The following CDH16 variants were observed in gnomAD, a reference collection of about 807,000 sequenced individuals.
The protein encoded by CDH16 is cadherin 16.
A neutral mutation model predicts 87.6 loss-of-function variants in CDH16; 79 were observed. The observed-to-expected ratio is 0.90, with a 90% CI of 0.75 to 1.09. The LOEUF (loss-of-function observed/expected upper bound fraction) is 1.09, where lower values mean the gene tolerates loss of function less well. CDH16 is among the 50% of genes least tolerant of loss of function. The probability of loss-of-function intolerance (pLI) is 0.00; values close to 1 mark genes in which losing one functional copy is unlikely to be tolerated. For synonymous variants in CDH16, 457 were observed against 439.5 expected, an observed-to-expected ratio of 1.04 and a Z score of -0.50; for missense variants, 1,124 against 1,071.7, an observed-to-expected ratio of 1.05 and a Z score of -0.68.
chr16:66,913,458 C>A (rs1355002834), intron 8 of CDH16, 33 bp downstream of exon 8: 1 of 1,613,886 alleles, frequency 6.2e-7, no homozygotes, highest in Admixed American at 1.7e-5. Context: ...CAAGCACCCC[C>A]AGCCTGCATC....
chr16:66,912,644 TCACCAATCAGGG>T lies in CDH16; in HGVS notation c.1282+8_1282+19del. 1 of 1,613,634 alleles carries T rather than the reference TCACCAATCAGGG, an allele frequency of 6.2e-7. No homozygotes were observed. The highest frequency in any genetic ancestry group is 8.5e-7 in the Non-Finnish European group (1 of 1,179,838). On this transcript the variant is annotated splice_region_variant and intron_variant, in intron 10 of 17. Coordinates refer to ENST00000299752, the MANE Select transcript of CDH16 (RefSeq NM_004062.4). ...GAACAGAGGGGACAGGGGGCCTGGG[TCACCAATCAGGG>T]CACTTACCACCCTCTGCGCCTGCCA...
At chr16:66,918,688 T>C (rs995179230) in intron 1 of CDH16, 116 bp downstream of exon 1, 3 of 152,298 alleles carry the variant, frequency 2.0e-5, no homozygotes, top group Admixed American at 6.5e-5. Flanking sequence ...ACAACCCCTC[T>C]AAGATGAGGC....
intron 14 of CDH16, 184 bp from the exon 15 acceptor site, chr16:66,910,686 G>T: frequency 1.6e-6 from 1 of 618,960 alleles, no homozygotes; most frequent in Non-Finnish European, 2.5e-6. Flanking sequence ...CTTTGGCGGA[G>T]CTCACTGCTG....
rs778992008 is a variant in CDH16, at chr16:66,912,443, G to A, written c.1360-13C>T. On this transcript the variant is annotated splice_polypyrimidine_tract_variant and intron_variant, in intron 11 of 17. Coordinates refer to ENST00000299752, the MANE Select transcript of CDH16 (RefSeq NM_004062.4). ...TTATAGGCCCAATCTGGAGGAGGAG[G>A]AGGGATGGTGAGCCCCCCACCAGCA... The A allele has an allele frequency of 8.1e-6, 13 of 1,613,958 alleles. No homozygotes were observed. Among genetic ancestry groups the A allele is most frequent in the African/African-American group, 4.0e-5 (3 of 74,932 alleles).
chr16:66,917,114 T>A (rs1288787675), intron 3 of CDH16, among the ~76,000 whole-genome samples: 1 of 146,704 alleles, frequency 6.8e-6, no homozygotes, highest in Non-Finnish European at 1.5e-5. Context: ...GGCGAAACCC[T>A]GTCTCTACTA....
At chr16:66,910,721 C>T (rs539735870) in intron 14 of CDH16, 8 of 489,714 alleles carry the variant, frequency 1.6e-5, no homozygotes, top group African/African-American at 1.2e-4. Flanking sequence ...TATCACAGCC[C>T]AGCTCAGAGT....
chr16:66,910,561 G>A lies in CDH16; in HGVS notation c.1925-59C>T, dbSNP rs2145448515. On this transcript the variant is annotated intron_variant, in intron 14 of 17. Coordinates refer to ENST00000299752, the MANE Select transcript of CDH16 (RefSeq NM_004062.4). ...TTGCCAGGGGGAGGGTGAGCTCTGA[G>A]GTCCCTGGGCTGCTCCCGCAGCCCA... 4.1e-6 allele frequency: 6 copies of A among 1,456,918 alleles called. No homozygotes were observed. The South Asian group carries it at 6.0e-5, about 15-fold the overall frequency. The allele number at this position is 1,456,918 out of a possible 1,614,324, so 90.2% of individuals were successfully genotyped here. A position where few individuals can be genotyped will look rare whatever the true frequency, so the allele number is the denominator to read the frequency against.
At position 66,912,243 on chromosome 16, in the gene CDH16, T is replaced by C; in HGVS notation, c.1547A>G (p.Lys516Arg). Residue 516 changes from lysine (K) to arginine (R), a missense_variant and splice_region_variant, in exon 12 of 18, where the codon AAG becomes AGG. Coordinates refer to ENST00000299752, the MANE Select transcript of CDH16 (RefSeq NM_004062.4). ...DSGHVRLRLC[K>R]NLSYEAAPSH... is the part of the protein sequence containing the mutation. ...TTTCCCAGCTACCCAGGCCCTCACC[T>C]TGCAGAGTCTGAGTCTAACATGCCC... 6.2e-7 allele frequency: 1 copy of C among 1,607,054 alleles called. No individual in the cohort carries two copies. The highest frequency in any genetic ancestry group is 8.5e-7 in the Non-Finnish European group (1 of 1,175,470).
intron 7 of CDH16, 48 bp downstream of exon 7, chr16:66,914,168 C>CT: frequency 6.5e-7 from 1 of 1,527,606 alleles, no homozygotes; most frequent in Non-Finnish European, 9.0e-7. Flanking sequence ...TCGGGCCTGG[C>CT]TGCACCATCC....
intron 6 of CDH16, among the ~76,000 whole-genome samples, chr16:66,914,826 G>A (rs989004061): frequency 1.6e-4 from 25 of 152,218 alleles, no homozygotes; most frequent in African/African-American, 5.1e-4. Context: ...GGGTGAATGC[G>A]TGGCTGGCTA....
chr16:66,913,298 G>T lies in CDH16; in HGVS notation c.904-17C>A. On this transcript the variant is annotated splice_polypyrimidine_tract_variant and intron_variant, in intron 8 of 17. Transcript: ENST00000299752. ...GAGCAGGTACTGCGGTGGGCAGTAG[G>T]GGGCTTCAGGTCAGGACCAAGGGCA... 6.5e-7 allele frequency: 1 copy of T among 1,545,016 alleles called. No individual in the cohort carries two copies. Among genetic ancestry groups the T allele is most frequent in the Non-Finnish European group, 8.7e-7 (1 of 1,145,328 alleles).
chr16:66,908,522 A>G (rs1400536757), intron 17 of CDH16, 33 bp from the exon 18 acceptor site: 12 of 1,536,972 alleles, frequency 7.8e-6, no homozygotes, highest in Non-Finnish European at 1.1e-5. Flanking sequence ...ATCAGGCCTC[A>G]GAAGGGGCTG....
In CDH16 at chr16:66,915,200, C is replaced by T. The variant is rs773586106; in HGVS notation, c.583+20G>A. On this transcript the variant is annotated intron_variant, in intron 6 of 17. Coordinates refer to ENST00000299752, the MANE Select transcript of CDH16 (RefSeq NM_004062.4). ...GCTTTCTCTGACCCTCCCTCCCCAGCACACCCCGCTCGGGCTTACCCTTGG... is the reference window on the plus strand; with the variant it reads ...GCTTTCTCTGACCCTCCCTCCCCAGTACACCCCGCTCGGGCTTACCCTTGG... 1.9e-6 allele frequency: 3 copies of T among 1,589,606 alleles called. No homozygotes were observed. The highest frequency in any genetic ancestry group is 4.5e-5 in the East Asian group (2 of 44,334).
At chr16:66,917,840 T>A (rs955232053) in intron 2 of CDH16, 115 bp from the exon 3 acceptor site, 2 of 1,038,420 alleles carry the variant, frequency 1.9e-6, no homozygotes, top group Non-Finnish European at 1.4e-6. Flanking sequence ...CCTTAGTCCA[T>A]CCACCCGCGC....
Position 66,911,898 on chromosome 16 carries a change from C to T in CDH16, c.1790+1G>A. ...GGTAAGGGGCTGGGATTTTAGCTCACCTGAGGGTTCGGCTGATGGGGTCGG... is the reference window on the plus strand; with the variant it reads ...GGTAAGGGGCTGGGATTTTAGCTCATCTGAGGGTTCGGCTGATGGGGTCGG... On this transcript the variant is annotated splice_donor_variant, in intron 13 of 17. Coordinates refer to ENST00000299752, the MANE Select transcript of CDH16 (RefSeq NM_004062.4). LOFTEE classifies it high-confidence loss of function. The T allele has an allele frequency of 6.3e-7, 1 of 1,590,990 alleles. No individual in the cohort carries two copies. The highest frequency in any genetic ancestry group is 8.6e-7 in the Non-Finnish European group (1 of 1,165,254).
rs957399939 is a variant in CDH16, at chr16:66,915,283, G to T, written c.520C>A (p.Gln174Lys). The change falls in exon 6 of 18, where the codon CAG becomes AAG. Residue 174 changes from glutamine (Q) to lysine (K), a missense_variant. Transcript: ENST00000299752. ...AGCTGGAACATGTCTGGGGAAGGCT[G>T]GGCTGGAGCCTGGCTCAGGATGTGG... is the stretch of plus-strand genomic sequence containing the variant. Reference protein sequence around the residue: ...RFHILSQAPAQPSPDMFQLEP... With the variant: ...RFHILSQAPAKPSPDMFQLEP... 1 of 1,613,860 alleles carries T rather than the reference G, an allele frequency of 6.2e-7. No homozygotes were observed. Among genetic ancestry groups the T allele is most frequent in the African/African-American group, 1.3e-5 (1 of 74,900 alleles).
At chr16:66,915,606 G>A (rs909008482) in intron 5 of CDH16, among the ~76,000 whole-genome samples, 8 of 152,230 alleles carry the variant, frequency 5.3e-5, no homozygotes, top group African/African-American at 1.9e-4. Flanking sequence ...AAATGGTACA[G>A]GATGGGCCAG....
chr16:66,914,251 T>C lies in CDH16; in HGVS notation c.745A>G (p.Asn249Asp), dbSNP rs1962572963. The C allele has an allele frequency of 6.2e-7, 1 of 1,614,174 alleles. No individual in the cohort carries two copies. Among genetic ancestry groups the C allele is most frequent in the Admixed American group, 1.7e-5 (1 of 60,016 alleles). ...VSLEPIHLAE[N>D]LKVLYPHHMA... is the part of the protein sequence containing the mutation. ...TGGTGCGGGTATAGGACTTTGAGATTCTCTGCCAGGTGGATAGGCTCTAGG... is the reference window on the plus strand; with the variant it reads ...TGGTGCGGGTATAGGACTTTGAGATCCTCTGCCAGGTGGATAGGCTCTAGG... Residue 249 changes from asparagine (N) to aspartate (D), a missense_variant, in exon 7 of 18, where the codon AAT becomes GAT. Physicochemically the swap from Asn to Asp is conservative, Grantham distance 23. Transcript: ENST00000299752.
chr16:66,910,969 A>T (rs1962387082), intron 14 of CDH16: 1 of 523,848 alleles, frequency 1.9e-6, no homozygotes, highest in Non-Finnish European at 3.4e-6. Context: ...AATCTAGGAG[A>T]ATGATCAGAG....
Sources: allele counts gnomAD v4.1 joint callset (sites outside exome capture counted in the v4.1 genomes callset), GRCh38; gene constraint gnomAD v4.1.1; transcripts MANE v1.5; gene names NCBI Gene and HGNC (gene_info 2026-07-23, HGNC 2026-07-21).